Variants in CFAP61 observed in about 807,000 individuals in gnomAD.
The protein encoded by CFAP61 is cilia- and flagella-associated protein 61.
Under a neutral mutation model 135.6 loss-of-function variants are expected in CFAP61, and 107 were observed. The observed-to-expected ratio is 0.79, with a 90% CI of 0.67 to 0.93. The LOEUF is 0.93. Ranked by LOEUF, CFAP61 falls within the 40% of genes least tolerant of loss-of-function variation. The pLI is 0.00. For missense variants in CFAP61, 1,507 were observed against 1,556.2 expected (o/e 0.97, Z 0.53); for synonymous variants, 575 against 578.5 (o/e 0.99, Z 0.09).
At chr20:20,278,212 T>C (rs1228521431) in intron 22 of CFAP61, among the ~76,000 whole-genome samples, 3 of 152,212 alleles carry the variant, frequency 2.0e-5, no homozygotes, top group Non-Finnish European at 4.4e-5. Context: ...GCTGTGGCTC[T>C]AAGTCAGTGG....
chr20:20,052,854 A>G (rs941862684), intron 1 of CFAP61: 6 of 834,444 alleles, frequency 7.2e-6, no homozygotes, highest in Non-Finnish European at 1.1e-5. Context: ...TGCCTCGAGC[A>G]TTGCATTCTA....
chr20:20,061,276 A>G (rs537848302), intron 2 of CFAP61, among the ~76,000 whole-genome samples: 1 of 152,344 alleles, frequency 6.6e-6, no homozygotes, highest in African/African-American at 2.4e-5. Flanking sequence ...AACAAAAAGC[A>G]TAGAATGTAT....
chr20:20,357,191 CTG>C (rs2059240120), intron 26 of CFAP61, among the ~76,000 whole-genome samples: 5 of 83,566 alleles, frequency 6.0e-5, no homozygotes, highest in South Asian at 4.4e-4. Context: ...GGTGGTCATA[CTG>C]TGAGTGAGGA....
chr20:20,330,065 T>C lies in CFAP61; in HGVS notation c.3423-11766T>C, dbSNP rs532546283. 4.6e-5 allele frequency among the ~76,000 whole-genome samples: 7 copies of C among 152,296 alleles called. No homozygotes were observed. In the East Asian group the frequency reaches 7.7e-4, roughly 17 times the overall value. On this transcript the variant is annotated intron_variant, in intron 25 of 26. Transcript: ENST00000245957. Reference sequence around the variant, plus strand: ...CAGACTCACTTTCTTCACCTTTCTATCTAGACCAGTGATGTCCAGTAGAAA... The same window carrying C: ...CAGACTCACTTTCTTCACCTTTCTACCTAGACCAGTGATGTCCAGTAGAAA...
At chr20:20,059,326 C>CA (rs11458923) in intron 2 of CFAP61, among the ~76,000 whole-genome samples, 16,851 of 45,406 alleles carry the variant, frequency 0.37, 5,857 homozygotes, top group Non-Finnish European at 0.41. Context: ...GACTCTGTCT[C>CA]AAAAAAAAAA....
intron 25 of CFAP61, among the ~76,000 whole-genome samples, chr20:20,333,156 T>C (rs1200773742): frequency 2.0e-5 from 3 of 152,208 alleles, no homozygotes; most frequent in African/African-American, 7.2e-5. Flanking sequence ...CCAGAAAGGA[T>C]GTGAAGCAGC....
At chr20:20,316,278 G>A (rs997904214) in intron 25 of CFAP61, among the ~76,000 whole-genome samples, 104 of 152,004 alleles carry the variant, frequency 6.8e-4, no homozygotes, top group African/African-American at 2.4e-3. Flanking sequence ...TGGATTCCTA[G>A]GTATTTTATT....
intron 25 of CFAP61, among the ~76,000 whole-genome samples, chr20:20,307,935 T>C (rs147245576): frequency 1.8e-3 from 274 of 152,312 alleles, no homozygotes; most frequent in African/African-American, 6.1e-3. Context: ...CCAAATACAT[T>C]CTTAATATCA....
At chr20:20,297,304 C>T (rs1385670161) in intron 24 of CFAP61, among the ~76,000 whole-genome samples, 1 of 152,224 alleles carries the variant, frequency 6.6e-6, no homozygotes, top group African/African-American at 2.4e-5. Flanking sequence ...CTAAATGCCA[C>T]ATTCAAGCTC....
At chr20:20,141,334 T>C (rs1473999490) in intron 8 of CFAP61, among the ~76,000 whole-genome samples, 1 of 152,220 alleles carries the variant, frequency 6.6e-6, no homozygotes, top group Non-Finnish European at 1.5e-5. Context: ...TCAATAAGCC[T>C]AAAAAGCATC....
intron 26 of CFAP61, among the ~76,000 whole-genome samples, chr20:20,344,095 G>A (rs978932391): frequency 1.3e-5 from 2 of 152,206 alleles, no homozygotes; most frequent in African/African-American, 2.4e-5. Flanking sequence ...GCAGCATTTC[G>A]TTTGTCAAAT....
At position 20,070,870 on chromosome 20, in the gene CFAP61, G is replaced by T. The variant is rs771107950; in HGVS notation, c.160G>T (p.Ala54Ser). 75 of 1,613,080 alleles carry T rather than the reference G, an allele frequency of 4.6e-5. No homozygotes were observed. The Admixed American group carries it at 5.0e-4, about 11-fold the overall frequency. The change falls in exon 3 of 27, where the codon GCT (alanine) becomes TCT (serine). Residue 54 changes from alanine to serine, a missense_variant. By Grantham distance (99) the Ala-to-Ser change is moderately conservative. Coordinates refer to ENST00000245957, the MANE Select transcript of CFAP61 (RefSeq NM_015585.4). ...IIYLLEKANL[A>S]VTLCNDKEEI... ...TTTCTGCAGAGAAAAGGCCAACCTTGCTGTTACCCTCTGCAATGACAAGGA... is the reference window on the plus strand; with the variant it reads ...TTTCTGCAGAGAAAAGGCCAACCTTTCTGTTACCCTCTGCAATGACAAGGA...
intron 26 of CFAP61, among the ~76,000 whole-genome samples, chr20:20,357,913 C>T (rs1467356468): frequency 3.5e-5 from 3 of 84,750 alleles, no homozygotes; most frequent in African/African-American, 1.6e-4. Flanking sequence ...GGTGGTCACA[C>T]TGAGGGGAGG....
At chr20:20,283,160 T>A (rs1471874652) in intron 22 of CFAP61, among the ~76,000 whole-genome samples, 1 of 152,212 alleles carries the variant, frequency 6.6e-6, no homozygotes, top group Non-Finnish European at 1.5e-5. Context: ...GTTACTATTA[T>A]TGTGGAAGTC....
At position 20,074,343 on chromosome 20, in the gene CFAP61, T is replaced by A. The variant is rs749325866; in HGVS notation, c.336T>A (p.Asp112Glu). Reference sequence around the variant, plus strand: ...TCATGCACCTCTTTGTGGCCGTGGATGAGTATTCTGTTGGCTGTTGCAAAG... The same window carrying A: ...TCATGCACCTCTTTGTGGCCGTGGAAGAGTATTCTGTTGGCTGTTGCAAAG... ...TLFMHLFVAV[D>E]EYSVGCCKEI... is the part of the protein sequence containing the mutation. The change falls in exon 4 of 27, where the codon GAT (aspartate) becomes GAA (glutamate). Residue 112 changes from aspartate to glutamate, a missense_variant. Coordinates refer to ENST00000245957, the MANE Select transcript of CFAP61 (RefSeq NM_015585.4). 6.8e-6 allele frequency: 11 copies of A among 1,614,072 alleles called. No individual in the cohort carries two copies. In the East Asian group the frequency reaches 2.4e-4, roughly 36 times the overall value.
intron 16 of CFAP61, among the ~76,000 whole-genome samples, chr20:20,199,563 C>G (rs574129888): frequency 6.6e-6 from 1 of 152,076 alleles, no homozygotes; most frequent in Non-Finnish European, 1.5e-5. Context: ...AATGTAATTA[C>G]TCTCGTAATT....
intron 25 of CFAP61, among the ~76,000 whole-genome samples, chr20:20,341,422 T>C (rs1458279526): frequency 1.3e-5 from 2 of 152,208 alleles, no homozygotes; most frequent in African/African-American, 4.8e-5. Context: ...CCATTATTAA[T>C]CTAGAAAGCT....
At chr20:20,198,527 C>A (rs2056436578) in intron 16 of CFAP61, among the ~76,000 whole-genome samples, 1 of 152,142 alleles carries the variant, frequency 6.6e-6, no homozygotes, top group Admixed American at 6.5e-5. Context: ...TTCACATATT[C>A]ATTTAAAACA....
intron 25 of CFAP61, among the ~76,000 whole-genome samples, chr20:20,312,121 A>T (rs1462041717): frequency 1.3e-5 from 2 of 152,220 alleles, no homozygotes; most frequent in Non-Finnish European, 2.9e-5. Flanking sequence ...ACAATTTCTG[A>T]TACCTAATCA....
Sources: gnomAD v4.1 joint callset for allele counts (sites outside exome capture counted in the v4.1 genomes callset) on GRCh38, gnomAD v4.1.1 for gene constraint, MANE v1.5 for transcripts, NCBI Gene and HGNC (gene_info 2026-07-23, HGNC 2026-07-21) for gene names.